ITGAV: variants seen among roughly 807,000 people sequenced by gnomAD.
The protein encoded by ITGAV is integrin subunit alpha V.
In ITGAV, 76 loss-of-function variants were observed where a neutral mutation model predicts 143.8. The observed-to-expected ratio is 0.53, with a 90% CI of 0.44 to 0.64. The LOEUF is 0.64. Among genes scored for constraint, ITGAV ranks in the 30% least tolerant of loss-of-function variants. The pLI, the probability that ITGAV is intolerant of heterozygous loss-of-function variation, is 0.00. For synonymous variants in ITGAV, 453 were observed against 446.7 expected (o/e 1.01, Z -0.18); for missense variants, 1,193 against 1,274.7 (o/e 0.94, Z 0.98).
rs1559073170 is a variant in ITGAV, at chr2:186,678,807, A to G, written c.*1515A>G. The G allele has an allele frequency of 2.3e-6, 1 of 434,330 alleles. No homozygotes were observed. Among genetic ancestry groups the G allele is most frequent in the Non-Finnish European group, 4.6e-6 (1 of 219,280 alleles). The allele number at this position is 434,330 out of a possible 1,614,324, so 26.9% of individuals were successfully genotyped here. On this transcript the variant is annotated 3_prime_UTR_variant, in exon 30 of 30. Transcript: ENST00000261023. ...CTTTAACTGCTGTCCTCATTAGGTAATGATAAATATTTCCCTTAAATAATT... is the reference window on the plus strand; with the variant it reads ...CTTTAACTGCTGTCCTCATTAGGTAGTGATAAATATTTCCCTTAAATAATT...
At chr2:186,633,816 CA>C (rs1473983816) in intron 6 of ITGAV, among the ~76,000 whole-genome samples, 1 of 151,954 alleles carries the variant, frequency 6.6e-6, no homozygotes, top group Admixed American at 6.6e-5. Flanking sequence ...ATATTTAAGT[CA>C]TTATTTTATT....
chr2:186,663,684 T>C (rs960255938), intron 18 of ITGAV, 84 bp from the exon 19 acceptor site: 1 of 940,328 alleles, frequency 1.1e-6, no homozygotes, highest in South Asian at 1.4e-5. Context: ...ACATATAGGC[T>C]TAACCACATA....
chr2:186,622,461 AT>A, intron 3 of ITGAV, 31 bp downstream of exon 3: 2 of 1,410,876 alleles, frequency 1.4e-6, no homozygotes, highest in Non-Finnish European at 2.0e-6. Context: ...CTTACAGGTG[AT>A]TTTAGTCAGT....
intron 18 of ITGAV, among the ~76,000 whole-genome samples, chr2:186,661,181 A>T (rs1441285146): frequency 1.3e-5 from 2 of 152,220 alleles, no homozygotes; most frequent in Non-Finnish European, 2.9e-5. Flanking sequence ...AAAATCCAGA[A>T]TGTATTATAT....
At chr2:186,642,982 A>G (rs1341081964) in intron 12 of ITGAV, among the ~76,000 whole-genome samples, 1 of 152,236 alleles carries the variant, frequency 6.6e-6, no homozygotes, top group Non-Finnish European at 1.5e-5. Context: ...AAAGAACACT[A>G]TATAACAGAC....
rs142964103 is a variant in ITGAV, at chr2:186,658,908, T to C, written c.1720-130T>C. ...ATATTCTATTTCTACATAAGTATAA[T>C]TTTCCAGAGAATGTTGTTAGAATTG... On this transcript the variant is annotated intron_variant, in intron 17 of 29. Coordinates refer to ENST00000261023, the MANE Select transcript of ITGAV (RefSeq NM_002210.5). 344 of 564,676 alleles carry C rather than the reference T, an allele frequency of 6.1e-4. 1 individual carries two copies. The highest frequency in any genetic ancestry group is 9.4e-4 in the Non-Finnish European group (313 of 331,662). The allele number at this position is 564,676 out of a possible 1,614,324, so 35.0% of individuals were successfully genotyped here.
intron 3 of ITGAV, among the ~76,000 whole-genome samples, chr2:186,623,406 T>C (rs141219973): frequency 8.7e-4 from 132 of 152,318 alleles, no homozygotes; most frequent in African/African-American, 2.4e-3. Context: ...TGTATTTTCC[T>C]GGTTTTTCTC....
At chr2:186,622,317 C>T in intron 2 of ITGAV, 22 bp from the exon 3 acceptor site, 4 of 1,488,662 alleles carry the variant, frequency 2.7e-6, no homozygotes, top group Non-Finnish European at 3.7e-6. Flanking sequence ...TGTGTCTTAC[C>T]ACTCACAATA....
Position 186,646,707 on chromosome 2 carries a change from A to T in ITGAV, c.1181A>T (p.Tyr394Phe), listed in dbSNP as rs1232758773. The T allele has an allele frequency of 1.3e-6, 2 of 1,592,240 alleles. No homozygotes were observed. Among genetic ancestry groups the T allele is most frequent in the African/African-American group, 1.3e-5 (1 of 74,188 alleles). ...GFNDIAIAAP[Y>F]GGEDKKGIVY... ...ACAGATATTGCAATTGCTGCTCCAT[A>T]TGGGGGTGAAGATAAAAAAGGAATT... is the stretch of plus-strand genomic sequence containing the variant. The change falls in exon 13 of 30, where the codon TAT becomes TTT. Residue 394 changes from tyrosine (Y) to phenylalanine (F), a missense_variant. Tyr to Phe is a conservative substitution (Grantham distance 22). Coordinates refer to ENST00000261023, the MANE Select transcript of ITGAV (RefSeq NM_002210.5).
intron 7 of ITGAV, 47 bp from the exon 8 acceptor site, chr2:186,637,018 G>T: frequency 6.5e-7 from 1 of 1,532,222 alleles, no homozygotes; most frequent in Non-Finnish European, 9.0e-7. Context: ...GCCTGCTGAA[G>T]ATAACGTCCT....
Position 186,640,823 on chromosome 2 carries a change from A to C in ITGAV, c.904-92A>C, listed in dbSNP as rs1688081261. 1.5e-5 allele frequency: 15 copies of C among 1,021,622 alleles called. No homozygotes were observed. In the South Asian group the frequency reaches 2.2e-4, roughly 15 times the overall value. The allele number at this position is 1,021,622 out of a possible 1,614,324, so 63.3% of individuals were successfully genotyped here. On this transcript the variant is annotated intron_variant, in intron 10 of 29. Coordinates refer to ENST00000261023, the MANE Select transcript of ITGAV (RefSeq NM_002210.5). ...TTGAAGCACTATATGCAGAGAAAAA[A>C]AATAACCCTATTTGGTACATATATT... is the stretch of plus-strand genomic sequence containing the variant.
At chr2:186,601,635 G>A (rs535375567) in intron 1 of ITGAV, among the ~76,000 whole-genome samples, 3 of 150,360 alleles carry the variant, frequency 2.0e-5, no homozygotes, top group East Asian at 3.9e-4. Context: ...TCTCACACAC[G>A]CACATGCACA....
chr2:186,591,760 C>A (rs1686622246), intron 1 of ITGAV, among the ~76,000 whole-genome samples: 2 of 151,978 alleles, frequency 1.3e-5, no homozygotes, highest in South Asian at 2.1e-4. Context: ...AGATTAGATG[C>A]AGTTAATGGA....
intron 2 of ITGAV, among the ~76,000 whole-genome samples, chr2:186,616,169 A>C (rs916442348): frequency 2.0e-5 from 3 of 152,152 alleles, no homozygotes; most frequent in Non-Finnish European, 2.9e-5. Context: ...AAAATACTAA[A>C]AGTGTCACCA....
intron 1 of ITGAV, among the ~76,000 whole-genome samples, chr2:186,592,140 G>A (rs186785632): frequency 1.1e-4 from 17 of 152,220 alleles, no homozygotes; most frequent in Non-Finnish European, 2.2e-4. Context: ...TCAAAAATTA[G>A]CATTTAAATA....
chr2:186,611,131 G>A (rs1255607129), intron 2 of ITGAV, among the ~76,000 whole-genome samples: 2 of 152,042 alleles, frequency 1.3e-5, no homozygotes, highest in Admixed American at 1.3e-4. Context: ...TAGCTACCGG[G>A]GTCGTTCTCA....
intron 4 of ITGAV, 73 bp from the exon 5 acceptor site, chr2:186,630,724 T>C: frequency 2.5e-6 from 2 of 804,708 alleles, no homozygotes; most frequent in Non-Finnish European, 4.3e-6. Flanking sequence ...TCTAGTGATA[T>C]CAGATTTTCT....
chr2:186,667,097 G>A, intron 22 of ITGAV, 53 bp from the exon 23 acceptor site: 1 of 1,400,682 alleles, frequency 7.1e-7, no homozygotes. Context: ...GCCTCTGTAT[G>A]TTCTTGGTTG....
At chr2:186,652,373 A>G (rs906425491) in intron 15 of ITGAV, among the ~76,000 whole-genome samples, 1 of 152,104 alleles carries the variant, frequency 6.6e-6, no homozygotes, top group Non-Finnish European at 1.5e-5. Context: ...AAATTTTTTT[A>G]GAGATGGGGT....
Sources: allele counts gnomAD v4.1 joint callset (sites outside exome capture counted in the v4.1 genomes callset), GRCh38; gene constraint gnomAD v4.1.1; transcripts MANE v1.5; gene names NCBI Gene and HGNC (gene_info 2026-07-23, HGNC 2026-07-21).